ANKS1B: variants seen among roughly 807,000 people sequenced by gnomAD.
ANKS1B encodes ankyrin repeat and sterile alpha motif domain containing 1B.
ANKS1B carries 36 observed loss-of-function variants against 148.3 expected under a neutral mutation model. The observed-to-expected ratio is 0.24, with a 90% CI of 0.19 to 0.32. ANKS1B has a LOEUF of 0.32. ANKS1B is among the 10% of genes least tolerant of loss of function. The probability of loss-of-function intolerance (pLI) is 1.00; values close to 1 mark genes in which losing one functional copy is unlikely to be tolerated. For synonymous variants in ANKS1B, 542 were observed against 560.8 expected, an observed-to-expected ratio of 0.97 and a Z score of 0.47; for missense variants, 1,157 against 1,542.6, an observed-to-expected ratio of 0.75 and a Z score of 4.19.
chr12:99,771,104 T>C (rs2063147524), intron 8 of ANKS1B, among the ~76,000 whole-genome samples: 1 of 152,058 alleles, frequency 6.6e-6, no homozygotes, highest in South Asian at 2.1e-4. Flanking sequence ...GATAGAAGCT[T>C]GAATCATGGT....
At chr12:99,450,475 C>T (rs1251338251) in intron 10 of ANKS1B, among the ~76,000 whole-genome samples, 1 of 152,136 alleles carries the variant, frequency 6.6e-6, no homozygotes, top group Non-Finnish European at 1.5e-5. Context: ...GCACTAAAGC[C>T]AGAAGAAAAT....
chr12:98,784,136 G>T lies in ANKS1B; in HGVS notation c.3343-1999C>A, dbSNP rs751767846. Among the ~76,000 whole-genome samples, 19 of 152,362 alleles carry T rather than the reference G, an allele frequency of 1.2e-4. 1 individual carries two copies. The South Asian group carries it at 2.3e-3, about 18-fold the overall frequency. On this transcript the variant is annotated intron_variant, in intron 22 of 26. Coordinates refer to ENST00000683438, the MANE Select transcript of ANKS1B (RefSeq NM_001352186.2). ...GTTTTTGCGTAAGCATAATGGAAAT[G>T]CTTTTGCACATGCTCAGTTTGATAA...
intron 17 of ANKS1B, among the ~76,000 whole-genome samples, chr12:98,905,730 C>T (rs564255405): frequency 5.7e-4 from 87 of 152,056 alleles, no homozygotes; most frequent in African/African-American, 2.0e-3. Flanking sequence ...CAAGATCGTA[C>T]CATTGCACTC....
At position 99,539,138 on chromosome 12, in the gene ANKS1B, T is replaced by C. The variant is rs577211026; in HGVS notation, c.1273-34497A>G. 2.6e-5 allele frequency among the ~76,000 whole-genome samples: 4 copies of C among 152,304 alleles called. No individual in the cohort carries two copies. In the East Asian group the frequency reaches 7.7e-4, roughly 29 times the overall value. On this transcript the variant is annotated intron_variant, in intron 9 of 26. Transcript: ENST00000683438. ...ACTAAATTATTAAAGGGAGGCTTTC[T>C]GGCTGAAAAGACAGTAAACAGTAAT...
intron 17 of ANKS1B, among the ~76,000 whole-genome samples, chr12:98,920,291 A>G (rs999820793): frequency 5.3e-5 from 8 of 152,250 alleles, no homozygotes; most frequent in South Asian, 2.1e-4. Flanking sequence ...AAACGCTGCC[A>G]ATTGTTGGTT....
At chr12:99,861,862 T>C (rs1215130876) in intron 1 of ANKS1B, among the ~76,000 whole-genome samples, 3 of 152,078 alleles carry the variant, frequency 2.0e-5, no homozygotes, top group African/African-American at 2.4e-5. Flanking sequence ...AAAGTGAATG[T>C]TCTTTTCAAA....
chr12:99,020,832 G>A (rs933541512), intron 17 of ANKS1B, among the ~76,000 whole-genome samples: 9 of 152,048 alleles, frequency 5.9e-5, no homozygotes, highest in Non-Finnish European at 1.2e-4. Flanking sequence ...GAATTTTGGA[G>A]ATTGGAAAAA....
chr12:99,593,992 GCA>G (rs1444145435), intron 9 of ANKS1B, among the ~76,000 whole-genome samples: 2 of 151,896 alleles, frequency 1.3e-5, no homozygotes, highest in African/African-American at 2.4e-5. Context: ...GAGCAGCAAA[GCA>G]CACAGTCTTA....
intron 12 of ANKS1B, among the ~76,000 whole-genome samples, chr12:99,356,450 A>C (rs2091989382): frequency 6.6e-6 from 1 of 152,166 alleles, no homozygotes; most frequent in Non-Finnish European, 1.5e-5. Context: ...GTTTACACTG[A>C]GGAGCCTGCT....
chr12:98,874,237 A>C (rs1301209400), intron 17 of ANKS1B, among the ~76,000 whole-genome samples: 1 of 152,238 alleles, frequency 6.6e-6, no homozygotes, highest in African/African-American at 2.4e-5. Flanking sequence ...TGTGAGAGCA[A>C]TAACAATCTG....
chr12:99,756,102 G>A (rs2061542305), intron 8 of ANKS1B, among the ~76,000 whole-genome samples: 1 of 152,066 alleles, frequency 6.6e-6, no homozygotes, highest in Non-Finnish European at 1.5e-5. Context: ...AGGGCAACCA[G>A]GCAAGAGAAG....
intron 9 of ANKS1B, among the ~76,000 whole-genome samples, chr12:99,518,189 T>C (rs2096841010): frequency 6.6e-6 from 1 of 152,082 alleles, no homozygotes. Flanking sequence ...TTTTTATGGG[T>C]CTTTGTCTGG....
At chr12:99,628,208 A>G (rs1042731460) in intron 9 of ANKS1B, among the ~76,000 whole-genome samples, 2 of 152,182 alleles carry the variant, frequency 1.3e-5, no homozygotes, top group African/African-American at 4.8e-5. Flanking sequence ...GGAAAGGTGC[A>G]GTAAAAATAC....
intron 17 of ANKS1B, among the ~76,000 whole-genome samples, chr12:98,911,700 G>T (rs1291288094): frequency 6.6e-6 from 1 of 152,180 alleles, no homozygotes; most frequent in Non-Finnish European, 1.5e-5. Flanking sequence ...GCCACCGGGT[G>T]TGCTGGTCCT....
chr12:98,809,242 A>T (rs911637538), intron 19 of ANKS1B, among the ~76,000 whole-genome samples: 1 of 152,176 alleles, frequency 6.6e-6, no homozygotes, highest in Non-Finnish European at 1.5e-5. Flanking sequence ...TATTTTATAC[A>T]TCCATAGAGG....
intron 14 of ANKS1B, among the ~76,000 whole-genome samples, chr12:99,184,037 C>A (rs139616308): frequency 6.6e-6 from 1 of 152,096 alleles, no homozygotes; most frequent in African/African-American, 2.4e-5. Flanking sequence ...GTAAAATGAG[C>A]CTTATCATCT....
intron 8 of ANKS1B, among the ~76,000 whole-genome samples, chr12:99,680,924 A>T (rs866608337): frequency 1.3e-5 from 2 of 151,734 alleles, no homozygotes; most frequent in African/African-American, 2.4e-5. Context: ...GGCAGCCATA[A>T]TCCCCCTAAG....
intron 12 of ANKS1B, among the ~76,000 whole-genome samples, chr12:99,342,330 C>A (rs753491510): frequency 6.6e-6 from 1 of 151,898 alleles, no homozygotes; most frequent in Non-Finnish European, 1.5e-5. Flanking sequence ...GGGACAGGTT[C>A]TGGGAAGACA....
At chr12:99,270,740 T>C (rs2076949771) in intron 12 of ANKS1B, among the ~76,000 whole-genome samples, 1 of 152,198 alleles carries the variant, frequency 6.6e-6, no homozygotes, top group South Asian at 2.1e-4. Context: ...ATGATGTCAC[T>C]CCATTACACA....
Sources: gnomAD v4.1 joint callset for allele counts (sites outside exome capture counted in the v4.1 genomes callset) on GRCh38, gnomAD v4.1.1 for gene constraint, MANE v1.5 for transcripts, NCBI Gene and HGNC (gene_info 2026-07-23, HGNC 2026-07-21) for gene names.